The following CSF3R variants were observed in gnomAD, a reference collection of about 807,000 sequenced individuals.
The protein encoded by CSF3R is granulocyte colony-stimulating factor receptor.
In CSF3R, 52 loss-of-function variants were observed where a neutral mutation model predicts 84.4. That is an observed-to-expected ratio of 0.62 (90% confidence interval 0.49 to 0.78). CSF3R has a LOEUF of 0.78. Among genes scored for constraint, CSF3R ranks in the 30% least tolerant of loss-of-function variants. The pLI is 0.00. For missense variants in CSF3R, 890 were observed against 1,055.7 expected (o/e 0.84, Z 2.17); for synonymous variants, 384 against 429.1 (o/e 0.89, Z 1.30).
At position 36,472,471 on chromosome 1, in the gene CSF3R, C is replaced by T; in HGVS notation, c.843+46G>A. ...CAGCTCGAGCCCGACTTACCCTGCC[C>T]CCTGCCCCCACCACCTCAGGCTCTC... On this transcript the variant is annotated intron_variant, in intron 7 of 16. Coordinates refer to ENST00000373106, the MANE Select transcript of CSF3R (RefSeq NM_000760.4). The surrounding 1 kb of genome is among the most constrained non-coding windows in gnomAD (Gnocchi z 5.0). 5 of 1,614,040 alleles carry T rather than the reference C, an allele frequency of 3.1e-6. No individual in the cohort carries two copies. The highest frequency in any genetic ancestry group is 4.2e-6 in the Non-Finnish European group (5 of 1,179,986).
Position 36,472,164 on chromosome 1 carries a change from G to T in CSF3R, c.998-25C>A, listed in dbSNP as rs748365247. ...GCTGTGGATGGAACAAGAAGAGGGG[G>T]TGCCAGTTGGGGAGGGGCCTGGGGC... On this transcript the variant is annotated intron_variant, in intron 8 of 16. Coordinates refer to ENST00000373106, the MANE Select transcript of CSF3R (RefSeq NM_000760.4). This position sits in a 1 kb window ranked among gnomAD's most constrained non-coding sequence, Gnocchi z 5.0. 50 of 1,613,850 alleles carry T rather than the reference G, an allele frequency of 3.1e-5. No homozygotes were observed. In the East Asian group the frequency reaches 4.7e-4, roughly 15 times the overall value.
rs139022075 is a variant in CSF3R, at chr1:36,475,394, A to G, written c.344T>C (p.Val115Ala). Residue 115 changes from valine (V) to alanine (A), a missense_variant, in exon 4 of 17, where the codon GTT becomes GCT. Coordinates refer to ENST00000373106, the MANE Select transcript of CSF3R (RefSeq NM_000760.4). ...GGACTTACAGCCTGCGCGCAGCTCAACCTGGTCCAGGATCTGCAGGCTGTT... is the reference window on the plus strand; with the variant it reads ...GGACTTACAGCCTGCGCGCAGCTCAGCCTGGTCCAGGATCTGCAGGCTGTT... ...WGNSLQILDQVELRAGYPPAI... is the reference protein window; with the variant it reads ...WGNSLQILDQAELRAGYPPAI... 1.3e-4 allele frequency: 208 copies of G among 1,613,992 alleles called. No individual in the cohort carries two copies. The highest frequency in any genetic ancestry group is 2.2e-5 in the East Asian group (1 of 44,888).
intron 11 of CSF3R, 102 bp from the exon 12 acceptor site, chr1:36,469,359 G>T: frequency 1.1e-6 from 1 of 928,288 alleles, no homozygotes; most frequent in Non-Finnish European, 1.7e-6. Context: ...CTGGCCTCAT[G>T]ATTCAGGGTT....
In CSF3R at chr1:36,473,671, T is replaced by C. The variant is rs894385185; in HGVS notation, c.486-49A>G. ...GCCAAGCAGAGGAAGAAAGCGAGGC[T>C]CCCTTCTCCCTCCCAGAGGCATGCC... On this transcript the variant is annotated intron_variant, in intron 5 of 16. Transcript: ENST00000373106. The C allele has an allele frequency of 2.5e-6, 4 of 1,613,848 alleles. No individual in the cohort carries two copies. In the East Asian group the frequency reaches 8.9e-5, roughly 36 times the overall value.
intron 2 of CSF3R, 96 bp downstream of exon 2, chr1:36,481,382 G>C (rs964733120): frequency 6.6e-6 from 1 of 152,270 alleles, no homozygotes; most frequent in African/African-American, 2.4e-5. Context: ...ACCTGTTGGA[G>C]CATGGTCTCA....
At chr1:36,473,162 GAGC>G in intron 6 of CSF3R, 1 of 535,816 alleles carries the variant, frequency 1.9e-6, no homozygotes, top group Non-Finnish European at 3.4e-6. Flanking sequence ...CCAGTACCTA[GAGC>G]AGTGCCTAAC....
intron 2 of CSF3R, chr1:36,480,037 G>A (rs959478641): frequency 4.3e-6 from 1 of 233,138 alleles, no homozygotes; most frequent in African/African-American, 2.3e-5. Context: ...AAAGAGCCAT[G>A]TAGAACACTT....
chr1:36,481,232 T>C (rs142695684), intron 2 of CSF3R, among the ~76,000 whole-genome samples: 222 of 152,276 alleles, frequency 1.5e-3, no homozygotes, highest in African/African-American at 4.8e-3. Flanking sequence ...CTCCACTGGC[T>C]CCTGTCCAGA....
chr1:36,481,132 A>G (rs527566474), intron 2 of CSF3R, among the ~76,000 whole-genome samples: 12 of 152,296 alleles, frequency 7.9e-5, no homozygotes, highest in Admixed American at 3.3e-4. Flanking sequence ...TTTCATCTCC[A>G]TGTGCTTTTG....
chr1:36,473,148 AT>A (rs1477399738), intron 6 of CSF3R: 5 of 463,984 alleles, frequency 1.1e-5, no homozygotes, highest in Admixed American at 7.9e-5. Flanking sequence ...GATGCTTTGT[AT>A]CCCCAGTACC....
intron 12 of CSF3R, 24 bp from the exon 13 acceptor site, chr1:36,468,245 G>C: frequency 1.3e-6 from 2 of 1,555,680 alleles, no homozygotes; most frequent in Non-Finnish European, 1.7e-6. Flanking sequence ...GAGGTGCGGG[G>C]GCTGAAGGGA....
Position 36,467,553 on chromosome 1 carries a change from C to T in CSF3R, c.1958+5G>A. 1 of 1,613,822 alleles carries T rather than the reference C, an allele frequency of 6.2e-7. No homozygotes were observed. Among genetic ancestry groups the T allele is most frequent in the South Asian group, 1.1e-5 (1 of 91,052 alleles). ...CAGGATCTCAGGTCTCTCAAAGGGA[C>T]TCACTTGGGGCTGCAACAGAGCCAG... On this transcript the variant is annotated splice_donor_5th_base_variant and intron_variant, in intron 15 of 16. Coordinates refer to ENST00000373106, the MANE Select transcript of CSF3R (RefSeq NM_000760.4). This position sits in a 1 kb window ranked among gnomAD's most constrained non-coding sequence, Gnocchi z 4.1.
chr1:36,469,848 CAG>C lies in CSF3R; in HGVS notation c.1286-10_1286-9del. 6.2e-7 allele frequency: 1 copy of C among 1,613,768 alleles called. No individual in the cohort carries two copies. The highest frequency in any genetic ancestry group is 8.5e-7 in the Non-Finnish European group (1 of 1,179,944). On this transcript the variant is annotated splice_polypyrimidine_tract_variant and intron_variant, in intron 10 of 16. Transcript: ENST00000373106. ...GTCTGGTCAGAGCTGGGCCTGGAGA[CAG>C]GGTGGGAAATGGTGGAATGAAGGTG...
At chr1:36,474,459 G>A (rs569250072) in intron 4 of CSF3R, among the ~76,000 whole-genome samples, 8 of 146,212 alleles carry the variant, frequency 5.5e-5, no homozygotes, top group Non-Finnish European at 1.0e-4. Flanking sequence ...GTGCAGTGGC[G>A]TGATCTCGGC....
chr1:36,472,717 C>T lies in CSF3R; in HGVS notation c.674-31G>A, dbSNP rs1462538040. 6 of 1,541,022 alleles carry T rather than the reference C, an allele frequency of 3.9e-6. No homozygotes were observed. The highest frequency in any genetic ancestry group is 2.0e-5 in the Admixed American group (1 of 51,094). On this transcript the variant is annotated intron_variant, in intron 6 of 16. Transcript: ENST00000373106. The surrounding 1 kb of genome is among the most constrained non-coding windows in gnomAD (Gnocchi z 5.0). ...AGGAGTGGGGCTGTCAGAAGGTCTC[C>T]CTATCCCACCCTAGAGGGCTCTGCC... is the stretch of plus-strand genomic sequence containing the variant.
intron 3 of CSF3R, among the ~76,000 whole-genome samples, chr1:36,476,524 G>A (rs1473612248): frequency 6.6e-6 from 1 of 152,062 alleles, no homozygotes. Flanking sequence ...CTCAGTTCCA[G>A]CTTATACCGG....
intron 12 of CSF3R, 35 bp from the exon 13 acceptor site, chr1:36,468,256 G>T (rs1219414708): frequency 3.9e-6 from 6 of 1,540,610 alleles, no homozygotes; most frequent in Middle Eastern, 3.5e-4. Flanking sequence ...GCTGAAGGGA[G>T]TGGGGCAGAG....
chr1:36,472,225 A>T lies in CSF3R; in HGVS notation c.997+13T>A, dbSNP rs753406710. On this transcript the variant is annotated intron_variant, in intron 8 of 16. Coordinates refer to ENST00000373106, the MANE Select transcript of CSF3R (RefSeq NM_000760.4). This position sits in a 1 kb window ranked among gnomAD's most constrained non-coding sequence, Gnocchi z 5.0. ...TACTGTTGGCTGCTCCCAGCCTCTC[A>T]TCACCTCCTTACCCCGTTCGGTAGT... The T allele has an allele frequency of 6.8e-6, 11 of 1,614,042 alleles. No homozygotes were observed. In the South Asian group the frequency reaches 9.9e-5, roughly 14 times the overall value.
In CSF3R at chr1:36,473,569, T is replaced by G. The variant is rs768577410; in HGVS notation, c.539A>C (p.Lys180Thr). Residue 180 changes from lysine (K) to threonine (T), a missense_variant, in exon 6 of 17, where the codon AAG becomes ACG. Physicochemically the swap from Lys to Thr is moderately conservative, Grantham distance 78 (BLOSUM62 -1). Transcript: ENST00000373106. ...GATGCAGCAGTGGCTCTGCCCGTCC[T>G]TGGGCACGCAGTCCAGGATGGAGTC... ...QGDSILDCVPKDGQSHCCIPR... is the reference protein window; with the variant it reads ...QGDSILDCVPTDGQSHCCIPR... 3 of 1,614,066 alleles carry G rather than the reference T, an allele frequency of 1.9e-6. No individual in the cohort carries two copies. The African/African-American group carries it at 4.0e-5, about 22-fold the overall frequency.
Sources: allele counts gnomAD v4.1 joint callset (sites outside exome capture counted in the v4.1 genomes callset), GRCh38; gene constraint gnomAD v4.1.1; non-coding constraint Gnocchi (gnomAD v3.1); transcripts MANE v1.5; gene names NCBI Gene and HGNC (gene_info 2026-07-23, HGNC 2026-07-21).